The following SZT2 variants were observed in gnomAD, a reference collection of about 807,000 sequenced individuals.
SZT2 encodes SZT2 subunit of KICSTOR complex, also known as KICSTOR complex protein SZT2.
Under a neutral mutation model 404.2 loss-of-function variants are expected in SZT2, and 216 were observed. The observed-to-expected ratio is 0.53, with a 90% CI of 0.48 to 0.60. The LOEUF is 0.60. Among genes scored for constraint, SZT2 ranks in the 20% least tolerant of loss-of-function variants. The pLI is 0.00. For missense variants in SZT2, 3,857 were observed against 4,459.2 expected, an observed-to-expected ratio of 0.86 and a Z score of 3.85; for synonymous variants, 1,693 against 1,749.9, an observed-to-expected ratio of 0.97 and a Z score of 0.81.
chr1:43,450,208 G>A lies in SZT2; in HGVS notation c.10155+37G>A. On this transcript the variant is annotated intron_variant, in intron 71 of 71. Coordinates refer to ENST00000634258, the MANE Select transcript of SZT2 (RefSeq NM_001365999.1). The surrounding 1 kb of genome is among the most constrained non-coding windows in gnomAD (Gnocchi z 4.3). ...TGGGGGGCTTTGTGTCAGCCTCATGGGAGGCCGTACCCCAAATGCTCCACC... is the reference window on the plus strand; with the variant it reads ...TGGGGGGCTTTGTGTCAGCCTCATGAGAGGCCGTACCCCAAATGCTCCACC... 1 of 1,613,920 alleles carries A rather than the reference G, an allele frequency of 6.2e-7. No homozygotes were observed. Among genetic ancestry groups the A allele is most frequent in the South Asian group, 1.1e-5 (1 of 91,074 alleles).
Position 43,443,044 on chromosome 1 carries a change from C to T in SZT2, c.8377C>T (p.His2793Tyr). 6.2e-7 allele frequency: 1 copy of T among 1,613,650 alleles called. No individual in the cohort carries two copies. The highest frequency in any genetic ancestry group is 8.5e-7 in the Non-Finnish European group (1 of 1,179,710). ...CAGACCTCCTGATCCTGTCACCTAC[C>T]ATGGACAACAGTTCCTAGAGATCAA... ...VPRPPDPVTY[H>Y]GQQFLEIKMA... The change falls in exon 59 of 72, where the codon CAT becomes TAT. Residue 2793 changes from histidine to tyrosine, a missense_variant. Transcript: ENST00000634258.
Position 43,452,817 on chromosome 1 carries a change from C to A in SZT2, c.*2337C>A. On this transcript the variant is annotated 3_prime_UTR_variant, in exon 72 of 72. Coordinates refer to ENST00000634258, the MANE Select transcript of SZT2 (RefSeq NM_001365999.1). ...TTGAATCAGCCCCACTTTGAGCCGTCCACCTCCTCCCATCATCCCCTGATC... is the reference window on the plus strand; with the variant it reads ...TTGAATCAGCCCCACTTTGAGCCGTACACCTCCTCCCATCATCCCCTGATC... 7.1e-7 allele frequency: 1 copy of A among 1,408,574 alleles called. No individual in the cohort carries two copies. The highest frequency in any genetic ancestry group is 1.2e-5 in the South Asian group (1 of 80,522). 87.3% of individuals were successfully genotyped at this position (1,408,574 alleles called of 1,614,324 possible).
chr1:43,446,315 C>G lies in SZT2; in HGVS notation c.8998-27C>G, dbSNP rs774179498. 29 of 1,614,256 alleles carry G rather than the reference C, an allele frequency of 1.8e-5. 1 individual carries two copies. In the South Asian group the frequency reaches 3.0e-4, roughly 16 times the overall value. Reference sequence around the variant, plus strand: ...CCAGACCCACCTGTCTCTCGCCTTCCTGATCTCATCTTCACCTTCCCTCCA... The same window carrying G: ...CCAGACCCACCTGTCTCTCGCCTTCGTGATCTCATCTTCACCTTCCCTCCA... On this transcript the variant is annotated intron_variant, in intron 64 of 71. Transcript: ENST00000634258.
intron 4 of SZT2, among the ~76,000 whole-genome samples, chr1:43,408,324 C>T (rs1395969665): frequency 2.6e-5 from 4 of 152,132 alleles, no homozygotes; most frequent in African/African-American, 9.7e-5. Context: ...AGTGCAGAGG[C>T]ATGATCATAG....
rs762236975 is a variant in SZT2 at position 43,443,746 on chromosome 1, G to C, written c.8775G>C (p.Gln2925His). Residue 2925 changes from glutamine (Q) to histidine (H), a missense_variant, in exon 62 of 72, where the codon CAG (glutamine) becomes CAC (histidine). By Grantham distance (24) the Gln-to-His change is conservative. Around this residue, in one of 7 missense-constraint regions of SZT2, gnomAD observed 717 missense variants for 868.2 expected, o/e 0.83. Transcript: ENST00000634258. ...TGCAGCAATATGTGCAGTATCTGCA[G>C]AGCATAGGTTTTGTGCTGGTACCAC... is the stretch of plus-strand genomic sequence containing the variant. ...AFLQQYVQYLQSIGFVLVPLR... is the reference protein window; with the variant it reads ...AFLQQYVQYLHSIGFVLVPLR... 3.7e-5 allele frequency: 59 copies of C among 1,614,070 alleles called. No individual in the cohort carries two copies. In the Admixed American group the frequency reaches 6.3e-4, roughly 17 times the overall value.
rs1656355742 is a variant in SZT2 at position 43,451,177 on chromosome 1, T to C, written c.*697T>C. On this transcript the variant is annotated 3_prime_UTR_variant, in exon 72 of 72. Coordinates refer to ENST00000634258, the MANE Select transcript of SZT2 (RefSeq NM_001365999.1). Reference sequence around the variant, plus strand: ...ACAATGTTCAGCAGGTCATCTTTAATGCAGAGGAGGAGATGGGATGTCACT... The same window carrying C: ...ACAATGTTCAGCAGGTCATCTTTAACGCAGAGGAGGAGATGGGATGTCACT... The C allele has an allele frequency of 6.9e-7, 1 of 1,449,414 alleles. No individual in the cohort carries two copies. Among genetic ancestry groups the C allele is most frequent in the Non-Finnish European group, 9.7e-7 (1 of 1,030,170 alleles). 89.8% of individuals were successfully genotyped at this position (1,449,414 alleles called of 1,614,324 possible).
In SZT2 at chr1:43,447,079, G is replaced by A. The variant is rs547140528; in HGVS notation, c.9197G>A (p.Arg3066Gln). The A allele has an allele frequency of 8.1e-6, 13 of 1,613,886 alleles. No individual in the cohort carries two copies. The highest frequency in any genetic ancestry group is 1.7e-4 in the Middle Eastern group (1 of 5,980). The change falls in exon 66 of 72, where the codon CGG becomes CAG. Residue 3066 changes from arginine (R) to glutamine (Q), a missense_variant. By Grantham distance (43) the Arg-to-Gln change is conservative. Coordinates refer to ENST00000634258, the MANE Select transcript of SZT2 (RefSeq NM_001365999.1). ...GTGCTAGGTGCCCATCTGGTGCTGC[G>A]GCACGGCTACCACCTCACCACCTTT... ...QHVLGAHLVL[R>Q]HGYHLTTFLR...
chr1:43,448,026 C>T lies in SZT2; in HGVS notation c.9564-53C>T. The T allele has an allele frequency of 6.2e-7, 1 of 1,611,110 alleles. No individual in the cohort carries two copies. Among genetic ancestry groups the T allele is most frequent in the Non-Finnish European group, 8.5e-7 (1 of 1,177,986 alleles). ...CATTTCCCAGCCTGCCCCACCCTGC[C>T]CTGTGTGTCTCTTGCTACAACCACC... On this transcript the variant is annotated intron_variant, in intron 68 of 71. Transcript: ENST00000634258. This position sits in a 1 kb window ranked among gnomAD's most constrained non-coding sequence, Gnocchi z 4.2.
At position 43,431,917 on chromosome 1, in the gene SZT2, A is replaced by T; in HGVS notation, c.5274+16A>T. ...ATTCAAGGAGGTAAGTTGCCCTCCA[A>T]ACACTGCAGGGTCACCTTGGGGCCC... On this transcript the variant is annotated intron_variant, in intron 36 of 71. Transcript: ENST00000634258. The T allele has an allele frequency of 6.2e-7, 1 of 1,613,780 alleles. No individual in the cohort carries two copies. Among genetic ancestry groups the T allele is most frequent in the Non-Finnish European group, 8.5e-7 (1 of 1,179,898 alleles).
In SZT2 at chr1:43,427,726, C is replaced by G; in HGVS notation, c.3795C>G (p.Leu1265=). 6.2e-7 allele frequency: 1 copy of G among 1,613,350 alleles called. No homozygotes were observed. The highest frequency in any genetic ancestry group is 2.2e-5 in the East Asian group (1 of 44,882). ...GMQPPQAPRD[L]IFRTQFLDHP... is the part of the protein sequence containing the mutation. ...AGCCCCCTCAGGCGCCCCGAGACCT[C>G]ATCTTCCGGTGAGTGCCTTCAGTGT... Residue 1265 remains leucine (L), a synonymous_variant, in exon 26 of 72, where the codon CTC becomes CTG. Coordinates refer to ENST00000634258, the MANE Select transcript of SZT2 (RefSeq NM_001365999.1).
At position 43,442,994 on chromosome 1, in the gene SZT2, C is replaced by T; in HGVS notation, c.8327C>T (p.Pro2776Leu). 1 of 1,614,144 alleles carries T rather than the reference C, an allele frequency of 6.2e-7. No homozygotes were observed. The highest frequency in any genetic ancestry group is 8.5e-7 in the Non-Finnish European group (1 of 1,180,014). Residue 2776 changes from proline to leucine, a missense_variant, in exon 59 of 72, where the codon CCC becomes CTC. Physicochemically the swap from Pro to Leu is moderately conservative, Grantham distance 98. Transcript: ENST00000634258. This position sits in a 1 kb window ranked among gnomAD's most constrained non-coding sequence, Gnocchi z 4.5. ...EALRDITAAR[P>L]SSVLGPVPRP... ...CTAAGGGATATCACGGCTGCCCGCC[C>T]CAGCTCCGTACTTGGTCCTGTGCCC...
rs778143013 is a variant in SZT2, at chr1:43,420,995, C to T, written c.1496+12C>T. ...AACACGCTGCAGAGGTCAGTGAAGT[C>T]ATCACTCAATGAGTGCTGCCCCATT... is the stretch of plus-strand genomic sequence containing the variant. On this transcript the variant is annotated intron_variant, in intron 10 of 71. Transcript: ENST00000634258. The surrounding 1 kb of genome is among the most constrained non-coding windows in gnomAD (Gnocchi z 5.1). The T allele has an allele frequency of 1.3e-5, 21 of 1,597,850 alleles. No homozygotes were observed. Among genetic ancestry groups the T allele is most frequent in the Non-Finnish European group, 1.7e-5 (20 of 1,179,382 alleles).
At position 43,426,640 on chromosome 1, in the gene SZT2, C is replaced by T. The variant is rs1653179848; in HGVS notation, c.3215-75C>T. On this transcript the variant is annotated intron_variant, in intron 22 of 71. Transcript: ENST00000634258. The surrounding 1 kb of genome is among the most constrained non-coding windows in gnomAD (Gnocchi z 4.9). ...TTTGAGTTTTGGCTTTCCCCTTCCT[C>T]CCCCTTTCTTCAACCCAGAGTCCCG... 8 of 1,516,556 alleles carry T rather than the reference C, an allele frequency of 5.3e-6. No homozygotes were observed. The highest frequency in any genetic ancestry group is 7.1e-6 in the Non-Finnish European group (8 of 1,120,374). 93.9% of individuals were successfully genotyped at this position (1,516,556 alleles called of 1,614,324 possible). A position where few individuals can be genotyped will look rare whatever the true frequency, so the allele number is the denominator to read the frequency against.
chr1:43,438,175 G>A (rs1184230364), intron 46 of SZT2: 2 of 441,596 alleles, frequency 4.5e-6, no homozygotes, highest in Non-Finnish European at 8.4e-6. Flanking sequence ...GGAAGGGACT[G>A]GCTTCTGCCA....
At chr1:43,404,341 G>A in intron 3 of SZT2, 39 bp from the exon 4 acceptor site, 1 of 1,580,676 alleles carries the variant, frequency 6.3e-7, no homozygotes, top group Non-Finnish European at 8.6e-7. Context: ...GGTTAGGGCT[G>A]CCTTTGGACC....
intron 7 of SZT2, 38 bp downstream of exon 7, chr1:43,416,679 T>C: frequency 6.6e-7 from 1 of 1,504,682 alleles, no homozygotes; most frequent in Non-Finnish European, 9.0e-7. Context: ...AGATATGGAA[T>C]ATCTCACACA....
At chr1:43,395,867 G>A (rs1262790772) in intron 1 of SZT2, among the ~76,000 whole-genome samples, 2 of 152,212 alleles carry the variant, frequency 1.3e-5, no homozygotes, top group Non-Finnish European at 2.9e-5. Context: ...GTTCGATGAG[G>A]ACATGATGGC....
chr1:43,436,936 C>T (rs1654516929), intron 42 of SZT2: 2 of 561,830 alleles, frequency 3.6e-6, no homozygotes, highest in South Asian at 4.8e-5. Context: ...TCATTAGCTC[C>T]TTCTCTAAGT....
Position 43,439,549 on chromosome 1 carries a change from T to TG in SZT2, c.6878-53dup. The TG allele has an allele frequency of 2.5e-6, 4 of 1,609,122 alleles. No individual in the cohort carries two copies. The highest frequency in any genetic ancestry group is 3.4e-6 in the Non-Finnish European group (4 of 1,177,250). On this transcript the variant is annotated intron_variant, in intron 49 of 71. Transcript: ENST00000634258. This position sits in a 1 kb window ranked among gnomAD's most constrained non-coding sequence, Gnocchi z 4.2. ...AGGCTTGCAGCTGAGTGGAGGGTCG[T>TG]GGGAGGGGTGGTCTGCAAGTCCCAG...
Sources: allele counts gnomAD v4.1 joint callset (sites outside exome capture counted in the v4.1 genomes callset), GRCh38; gene constraint gnomAD v4.1.1; regional missense constraint gnomAD v4.1.1; non-coding constraint Gnocchi (gnomAD v3.1); transcripts MANE v1.5; gene names NCBI Gene and HGNC (gene_info 2026-07-23, HGNC 2026-07-21).